ADAMTSL1: variants seen among roughly 807,000 people sequenced by gnomAD.
ADAMTSL1 encodes the protein ADAMTS like 1, also known as ADAMTS-like protein 1.
A neutral mutation model predicts 201.8 loss-of-function variants in ADAMTSL1; 126 were observed. The observed-to-expected ratio is 0.62, with a 90% CI of 0.54 to 0.72. The LOEUF is 0.72. Among genes scored for constraint, ADAMTSL1 ranks in the 30% least tolerant of loss-of-function variants. The pLI, the probability that ADAMTSL1 is intolerant of heterozygous loss-of-function variation, is 0.00. For missense variants in ADAMTSL1, 2,679 were observed against 2,277.8 expected (o/e 1.18, Z -3.59); for synonymous variants, 1,121 against 903.4 (o/e 1.24, Z -4.32).
At chr9:18,408,519 G>C (rs993467012) in intron 2 of ADAMTSL1, among the ~76,000 whole-genome samples, 9 of 152,114 alleles carry the variant, frequency 5.9e-5, no homozygotes, top group Admixed American at 4.6e-4. Flanking sequence ...TACCTAGTAT[G>C]TGCTGGTCAC....
chr9:18,719,660 G>A (rs1193433208), intron 14 of ADAMTSL1, among the ~76,000 whole-genome samples: 1 of 152,276 alleles, frequency 6.6e-6, no homozygotes, highest in Non-Finnish European at 1.5e-5. Context: ...CACTGTGCCT[G>A]GCTTTGTGGT....
At chr9:18,852,987 A>C (rs891862322) in intron 23 of ADAMTSL1, among the ~76,000 whole-genome samples, 1 of 152,210 alleles carries the variant, frequency 6.6e-6, no homozygotes, top group Non-Finnish European at 1.5e-5. Flanking sequence ...CTTTCTAGCC[A>C]GGAGCAGTTT....
At chr9:18,515,303 A>T (rs1018877928) in intron 2 of ADAMTSL1, among the ~76,000 whole-genome samples, 6 of 152,110 alleles carry the variant, frequency 3.9e-5, no homozygotes, top group African/African-American at 1.4e-4. Flanking sequence ...GAAAAAGTAG[A>T]GGTTAGGGTA....
intron 1 of ADAMTSL1, among the ~76,000 whole-genome samples, chr9:18,040,030 A>C (rs1236693165): frequency 6.6e-6 from 1 of 152,132 alleles, no homozygotes; most frequent in Non-Finnish European, 1.5e-5. Flanking sequence ...GTCCTGACTT[A>C]TGCCTATGTC....
At chr9:18,454,476 T>C (rs2131683241) in intron 2 of ADAMTSL1, among the ~76,000 whole-genome samples, 1 of 152,230 alleles carries the variant, frequency 6.6e-6, no homozygotes, top group South Asian at 2.1e-4. Context: ...CTTTACCAGT[T>C]CTCCAGGTAC....
At chr9:18,845,398 T>C (rs572334671) in intron 23 of ADAMTSL1, among the ~76,000 whole-genome samples, 1 of 152,350 alleles carries the variant, frequency 6.6e-6, no homozygotes, top group Admixed American at 6.5e-5. Flanking sequence ...AAAGAATTCA[T>C]TGTGCCTGGT....
chr9:18,837,185 C>T (rs80352328), intron 23 of ADAMTSL1, among the ~76,000 whole-genome samples: 3 of 152,138 alleles, frequency 2.0e-5, no homozygotes, highest in African/African-American at 7.2e-5. Flanking sequence ...AAATCTTTGC[C>T]TACTTCTGTC....
chr9:18,073,878 C>T (rs1156305991), intron 1 of ADAMTSL1, among the ~76,000 whole-genome samples: 4 of 152,108 alleles, frequency 2.6e-5, no homozygotes, highest in African/African-American at 7.2e-5. Context: ...GGGAGTGGGA[C>T]TTCTAAGTTA....
chr9:17,985,753 G>A (rs1237323980), intron 1 of ADAMTSL1, among the ~76,000 whole-genome samples: 1 of 152,088 alleles, frequency 6.6e-6, no homozygotes, highest in East Asian at 1.9e-4. Flanking sequence ...TTTTATAAAT[G>A]AGCAAAATAA....
intron 1 of ADAMTSL1, among the ~76,000 whole-genome samples, chr9:18,044,131 A>G (rs1162734421): frequency 5.3e-5 from 8 of 151,154 alleles, no homozygotes; most frequent in South Asian, 2.1e-4. Flanking sequence ...GGTTTAAGTC[A>G]TATTTCCTGT....
intron 1 of ADAMTSL1, among the ~76,000 whole-genome samples, chr9:18,112,827 G>A (rs1273597361): frequency 6.6e-6 from 1 of 152,158 alleles, no homozygotes; most frequent in African/African-American, 2.4e-5. Flanking sequence ...CTAGAGTCTA[G>A]CACAGGCTCT....
At chr9:18,441,099 GTTAATGTTCAA>G (rs1819976140) in intron 2 of ADAMTSL1, among the ~76,000 whole-genome samples, 1 of 152,002 alleles carries the variant, frequency 6.6e-6, no homozygotes, top group South Asian at 2.1e-4. Context: ...TCCATTTGTA[GTTAATGTTCAA>G]AACAGTCAAA....
Position 18,217,948 on chromosome 9 carries a change from G to A in ADAMTSL1, c.207+53967G>A, listed in dbSNP as rs865886600. ...GGGGTAAGGGTGTCTAATTGCCAAC[G>A]GCTGGAATTTGAAGTTCTTTTTAGC... On this transcript the variant is annotated intron_variant, in intron 2 of 29. Coordinates refer to the ADAMTSL1 transcript ENST00000680146. 2.6e-5 allele frequency among the ~76,000 whole-genome samples: 4 copies of A among 151,912 alleles called. No individual in the cohort carries two copies. The South Asian group carries it at 6.2e-4, about 24-fold the overall frequency.
chr9:18,250,984 G>T (rs1172663971), intron 2 of ADAMTSL1, among the ~76,000 whole-genome samples: 1 of 152,106 alleles, frequency 6.6e-6, no homozygotes, highest in African/African-American at 2.4e-5. Flanking sequence ...CCATGTGACT[G>T]TCTTAGAGCA....
chr9:18,252,017 T>C (rs1168256459), intron 2 of ADAMTSL1, among the ~76,000 whole-genome samples: 2 of 151,932 alleles, frequency 1.3e-5, no homozygotes, highest in African/African-American at 2.4e-5. Flanking sequence ...ATTAAAGATA[T>C]TTTAAAATTT....
intron 18 of ADAMTSL1, among the ~76,000 whole-genome samples, 159 bp from the exon 19 acceptor site, chr9:18,776,622 C>T (rs868183485): frequency 4.6e-5 from 7 of 152,202 alleles, no homozygotes; most frequent in Admixed American, 1.3e-4. Flanking sequence ...AAAATAAACC[C>T]CGAAGAATAC....
chr9:18,681,697 T>TGTGTGGGGGGGGG (rs370940110), intron 11 of ADAMTSL1, 115 bp from the exon 12 acceptor site: 6 of 240,306 alleles, frequency 2.5e-5, no homozygotes, highest in Middle Eastern at 1.2e-3. Context: ...AGTCCTCGTG[T>TGTGTGGGGGGGGG]GGGGGGGGGG....
At chr9:18,377,783 G>C (rs911323774) in intron 2 of ADAMTSL1, among the ~76,000 whole-genome samples, 1 of 152,100 alleles carries the variant, frequency 6.6e-6, no homozygotes, top group Non-Finnish European at 1.5e-5. Flanking sequence ...GGCCAGGCTG[G>C]TCTTGAACTC....
chr9:18,456,847 G>A (rs576978035), intron 2 of ADAMTSL1, among the ~76,000 whole-genome samples: 1 of 152,116 alleles, frequency 6.6e-6, no homozygotes, highest in South Asian at 2.1e-4. Flanking sequence ...GTTTGCTTTT[G>A]GTCATAGCAC....
Sources: gnomAD v4.1 joint callset for allele counts (sites outside exome capture counted in the v4.1 genomes callset) on GRCh38, gnomAD v4.1.1 for gene constraint, MANE v1.5 for transcripts, NCBI Gene and HGNC (gene_info 2026-07-23, HGNC 2026-07-21) for gene names.